FAM120B: variants seen among roughly 807,000 people sequenced by gnomAD.
FAM120B encodes constitutive coactivator of peroxisome proliferator-activated receptor gamma.
In FAM120B, 83 loss-of-function variants were observed where a neutral mutation model predicts 96.3. The observed-to-expected ratio is 0.86, with a 90% CI of 0.72 to 1.03. FAM120B has a LOEUF of 1.03. Among genes scored for constraint, FAM120B ranks in the 50% least tolerant of loss-of-function variants. FAM120B has a pLI of 0.00. For missense variants in FAM120B, 1,027 were observed against 1,121.2 expected (o/e 0.92, Z 1.20); for synonymous variants, 407 against 402.7 (o/e 1.01, Z -0.13).
intron 6 of FAM120B, among the ~76,000 whole-genome samples, chr6:170,365,320 C>A (rs1012664182): frequency 4.6e-5 from 7 of 152,184 alleles, no homozygotes; most frequent in African/African-American, 1.4e-4. Flanking sequence ...TTTCTCAAGA[C>A]GGTGGCAGAA....
chr6:170,306,807 C>G lies in FAM120B; in HGVS notation c.-57C>G, dbSNP rs1784309613. 1 of 152,790 alleles carries G rather than the reference C, an allele frequency of 6.5e-6. No homozygotes were observed. The highest frequency in any genetic ancestry group is 2.4e-5 in the African/African-American group (1 of 41,460). 9.5% of individuals were successfully genotyped at this position (152,790 alleles called of 1,614,324 possible). On this transcript the variant is annotated 5_prime_UTR_variant, in exon 1 of 11. Coordinates refer to ENST00000476287, the MANE Select transcript of FAM120B (RefSeq NM_032448.3). ...TGAGGCGGCTGGGCCTAGGGTGCAGCGGGCGCGTCTGCGGCTGGTGTTGGC... is the reference window on the plus strand; with the variant it reads ...TGAGGCGGCTGGGCCTAGGGTGCAGGGGGCGCGTCTGCGGCTGGTGTTGGC...
At chr6:170,339,329 A>G (rs961113243) in intron 4 of FAM120B, among the ~76,000 whole-genome samples, 1 of 152,112 alleles carries the variant, frequency 6.6e-6, no homozygotes, top group East Asian at 1.9e-4. Context: ...TCTTTATAAA[A>G]TTGAAGTTTT....
intron 4 of FAM120B, among the ~76,000 whole-genome samples, chr6:170,334,376 G>A (rs1341775071): frequency 6.6e-6 from 1 of 152,154 alleles, no homozygotes; most frequent in Non-Finnish European, 1.5e-5. Context: ...ATGAAAAAAG[G>A]ACCATGTATT....
chr6:170,347,907 TG>T (rs1310712451), intron 4 of FAM120B, among the ~76,000 whole-genome samples: 3 of 152,188 alleles, frequency 2.0e-5, no homozygotes, highest in Non-Finnish European at 2.9e-5. Context: ...TGGTCGAAAG[TG>T]CAGTATCCCT....
intron 9 of FAM120B, among the ~76,000 whole-genome samples, chr6:170,400,994 C>G (rs562502153): frequency 2.1e-3 from 325 of 152,308 alleles, no homozygotes; most frequent in African/African-American, 7.7e-3. Context: ...AACCCCCTTC[C>G]TTGGATTGAC....
intron 9 of FAM120B, among the ~76,000 whole-genome samples, chr6:170,397,263 T>G (rs1397981812): frequency 6.6e-6 from 1 of 152,164 alleles, no homozygotes; most frequent in African/African-American, 2.4e-5. Context: ...TGCAGAGCAC[T>G]TAGGTCCAAA....
chr6:170,339,044 T>C (rs1026112815), intron 4 of FAM120B, among the ~76,000 whole-genome samples: 2 of 151,280 alleles, frequency 1.3e-5, no homozygotes, highest in Non-Finnish European at 1.5e-5. Flanking sequence ...AATATTGTTA[T>C]GTGTCATCAT....
rs1324376773 is a variant in FAM120B at position 170,407,058 on chromosome 6, T to C, written c.*2307T>C. 1 of 152,230 alleles carries C rather than the reference T, an allele frequency of 6.6e-6. No individual in the cohort carries two copies. Among genetic ancestry groups the C allele is most frequent in the Admixed American group, 6.5e-5 (1 of 15,290 alleles). The allele number at this position is 152,230 out of a possible 1,614,324, so 9.4% of individuals were successfully genotyped here. On this transcript the variant is annotated 3_prime_UTR_variant, in exon 11 of 11. Transcript: ENST00000476287. ...AAATAAAGCAAAATATATTTATTAC[T>C]CATAACTAATATACTTTCACATTTC... is the stretch of plus-strand genomic sequence containing the variant.
intron 9 of FAM120B, among the ~76,000 whole-genome samples, chr6:170,403,484 A>G (rs1332754286): frequency 1.3e-5 from 2 of 152,216 alleles, no homozygotes; most frequent in Non-Finnish European, 2.9e-5. Context: ...CCTCTTCATG[A>G]AAGTATTCAG....
chr6:170,397,518 G>C (rs746803391), intron 9 of FAM120B, among the ~76,000 whole-genome samples: 2 of 152,126 alleles, frequency 1.3e-5, no homozygotes, highest in Admixed American at 6.5e-5. Context: ...AGTCCACCCC[G>C]ACCGAGAAGC....
At chr6:170,368,819 C>CCA (rs146799172) in intron 6 of FAM120B, among the ~76,000 whole-genome samples, 1 of 26,128 alleles carries the variant, frequency 3.8e-5, no homozygotes, top group Non-Finnish European at 2.1e-4. Flanking sequence ...TCTGCCGGGG[C>CCA]TGGGGGGGGG....
intron 6 of FAM120B, among the ~76,000 whole-genome samples, chr6:170,387,504 G>A: frequency 6.6e-6 from 1 of 152,216 alleles, no homozygotes; most frequent in Non-Finnish European, 1.5e-5. Context: ...TGGGGCCAGT[G>A]TCAGCCAGGA....
chr6:170,388,038 A>G (rs1790286098), intron 6 of FAM120B, among the ~76,000 whole-genome samples: 1 of 151,998 alleles, frequency 6.6e-6, no homozygotes, highest in African/African-American at 2.4e-5. Flanking sequence ...GTTTGAATGG[A>G]TGGGTGGATG....
chr6:170,388,158 C>T (rs1790295828), intron 6 of FAM120B, 129 bp from the exon 7 acceptor site: 2 of 753,842 alleles, frequency 2.7e-6, no homozygotes, highest in African/African-American at 1.7e-5. Context: ...GAGGATGCAG[C>T]TATGGTGATG....
chr6:170,326,913 A>T (rs780921875), intron 3 of FAM120B, among the ~76,000 whole-genome samples: 5 of 151,646 alleles, frequency 3.3e-5, no homozygotes, highest in Non-Finnish European at 7.4e-5. Flanking sequence ...TAATTTTTAA[A>T]TATTCTTTTT....
intron 6 of FAM120B, among the ~76,000 whole-genome samples, chr6:170,369,231 T>A (rs996676970): frequency 1.3e-5 from 2 of 151,954 alleles, no homozygotes; most frequent in African/African-American, 4.8e-5. Context: ...CTTGTGCACA[T>A]AGACTTTCCA....
chr6:170,291,011 T>C (rs1340044633), upstream of FAM120B: 4 of 701,734 alleles, frequency 5.7e-6, no homozygotes, highest in African/African-American at 1.7e-5. Flanking sequence ...CCCCCCAATC[T>C]GGCGAGAGCT....
At chr6:170,361,293 G>C (rs1788445187) in intron 6 of FAM120B, among the ~76,000 whole-genome samples, 1 of 138,842 alleles carries the variant, frequency 7.2e-6, no homozygotes, top group Non-Finnish European at 1.5e-5. Flanking sequence ...AAAAATTTAG[G>C]TGACTGGATT....
chr6:170,341,203 G>A (rs1583229484), intron 4 of FAM120B, among the ~76,000 whole-genome samples: 1 of 152,216 alleles, frequency 6.6e-6, no homozygotes, highest in Non-Finnish European at 1.5e-5. Flanking sequence ...GCCCTACCCA[G>A]TGAGGAGGAA....
Sources: allele counts gnomAD v4.1 joint callset (sites outside exome capture counted in the v4.1 genomes callset), GRCh38; gene constraint gnomAD v4.1.1; transcripts MANE v1.5; gene names NCBI Gene and HGNC (gene_info 2026-07-23, HGNC 2026-07-21).